The following TSGA10 variants were observed in gnomAD, a reference collection of about 807,000 sequenced individuals.
The protein encoded by TSGA10 is testis-specific gene 10 protein.
In TSGA10, 43 loss-of-function variants were observed where a neutral mutation model predicts 96.6. That is an observed-to-expected ratio of 0.44 (90% confidence interval 0.35 to 0.57). The LOEUF is 0.57. Ranked by LOEUF, TSGA10 falls within the 20% of genes least tolerant of loss-of-function variation. The probability of loss-of-function intolerance (pLI) is 0.01; values close to 1 mark genes in which losing one functional copy is unlikely to be tolerated. For missense variants in TSGA10, 703 were observed against 834.4 expected (o/e 0.84, Z 1.94); for synonymous variants, 229 against 269.9 (o/e 0.85, Z 1.48).
At chr2:99,131,408 T>C (rs2093077844) in intron 1 of TSGA10, among the ~76,000 whole-genome samples, 1 of 152,226 alleles carries the variant, frequency 6.6e-6, no homozygotes, top group Non-Finnish European at 1.5e-5. Context: ...AGGTCACTCA[T>C]GATTTGGCTG....
At chr2:99,137,028 G>T (rs937722428) in intron 1 of TSGA10, among the ~76,000 whole-genome samples, 3 of 133,956 alleles carry the variant, frequency 2.2e-5, no homozygotes, top group Non-Finnish European at 3.1e-5. Context: ...TGAGACAGTC[G>T]TGCTCTGTCA....
intron 2 of TSGA10, chr2:99,125,526 T>C (rs1053675706): frequency 1.3e-5 from 2 of 152,246 alleles, no homozygotes; most frequent in African/African-American, 4.8e-5. Context: ...TAACATCCGT[T>C]CCATTTCAGT....
rs1167854716 is a variant in TSGA10 at position 99,074,000 on chromosome 2, C to CTTTTTTTTTTTTTTTTTTTTTTTTTTTT, written c.883-955_883-928dup. The stretch of plus-strand genomic sequence containing the variant: ...AACCAATTCTGTTCCTGTTTCTTTT[C>CTTTTTTTTTTTTTTTTTTTTTTTTTTTT]TTTTTTTTTTTTTTTTTTTTTTTTT... On this transcript the variant is annotated intron_variant, in intron 12 of 20. Transcript: ENST00000393483. Among the ~76,000 whole-genome samples, 11 of 52,632 alleles carry CTTTTTTTTTTTTTTTTTTTTTTTTTTTT rather than the reference C, an allele frequency of 2.1e-4. 3 individuals carry two copies. The highest frequency in any genetic ancestry group is 3.7e-4 in the African/African-American group (5 of 13,352). 34.5% of individuals were successfully genotyped at this position (52,632 alleles called of 152,430 possible). A position where few individuals can be genotyped will look rare whatever the true frequency, so the allele number is the denominator to read the frequency against.
At chr2:99,066,295 G>A (rs2085254405) in intron 15 of TSGA10, among the ~76,000 whole-genome samples, 1 of 152,166 alleles carries the variant, frequency 6.6e-6, no homozygotes, top group Admixed American at 6.5e-5. Context: ...TACTCCAACT[G>A]TGTCAGCAGG....
At chr2:99,146,313 G>C (rs1441100632) in intron 1 of TSGA10, among the ~76,000 whole-genome samples, 1 of 152,042 alleles carries the variant, frequency 6.6e-6, no homozygotes, top group African/African-American at 2.4e-5. Flanking sequence ...TATATCCTTT[G>C]CCCATTTTTC....
At chr2:99,100,684 G>T (rs1559015874) in intron 10 of TSGA10, among the ~76,000 whole-genome samples, 1 of 151,900 alleles carries the variant, frequency 6.6e-6, no homozygotes, top group Non-Finnish European at 1.5e-5. Context: ...GCCAGGCGCG[G>T]TGGCGGGCGC....
Position 99,154,885 on chromosome 2 carries a change from G to C in TSGA10, c.-813C>G. 2.5e-6 allele frequency: 1 copy of C among 399,694 alleles called. No individual in the cohort carries two copies. The highest frequency in any genetic ancestry group is 2.8e-5 in the Admixed American group (1 of 35,888). The allele number at this position is 399,694 out of a possible 1,614,324, so 24.8% of individuals were successfully genotyped here. ...GACCCCACGGCTCCGCAGGCGGAGA[G>C]ACTAGGCGCGATCCCTGCGCGCCCC... On this transcript the variant is annotated 5_prime_UTR_variant, in exon 1 of 21. Transcript: ENST00000393483.
chr2:99,006,729 C>T (rs897196736), intron 20 of TSGA10, among the ~76,000 whole-genome samples: 1 of 152,182 alleles, frequency 6.6e-6, no homozygotes, highest in Non-Finnish European at 1.5e-5. Flanking sequence ...TTGTGGAAGT[C>T]AGTGTGGCGA....
At chr2:99,034,973 C>T (rs898665115) in intron 17 of TSGA10, among the ~76,000 whole-genome samples, 1 of 152,078 alleles carries the variant, frequency 6.6e-6, no homozygotes, top group Non-Finnish European at 1.5e-5. Context: ...CTTTGCTGAT[C>T]GCTATGTCAA....
Position 99,018,719 on chromosome 2 carries a change from G to A in TSGA10, c.1818-79C>T, listed in dbSNP as rs1027918752. ...ATTCTGGGGTACATGAAACCATATT[G>A]ATAGTGGTTTCTCAGCTGGATCCAA... On this transcript the variant is annotated intron_variant, in intron 18 of 20. Transcript: ENST00000393483. The A allele has an allele frequency of 4.1e-6, 5 of 1,221,462 alleles. No homozygotes were observed. In the African/African-American group the frequency reaches 4.6e-5, roughly 11 times the overall value. 75.7% of individuals were successfully genotyped at this position (1,221,462 alleles called of 1,614,324 possible). A position where few individuals can be genotyped will look rare whatever the true frequency, so the allele number is the denominator to read the frequency against.
intron 20 of TSGA10, among the ~76,000 whole-genome samples, chr2:99,002,918 G>C (rs1242249808): frequency 2.0e-5 from 3 of 151,498 alleles, no homozygotes; most frequent in African/African-American, 7.3e-5. Context: ...GGAGTGCAGT[G>C]GTGCGATCTT....
intron 16 of TSGA10, among the ~76,000 whole-genome samples, chr2:99,063,269 A>G (rs1182831264): frequency 2.0e-5 from 3 of 152,216 alleles, no homozygotes; most frequent in Non-Finnish European, 4.4e-5. Context: ...ATTTAGAAGA[A>G]CTTTTAAATG....
At position 99,007,786 on chromosome 2, in the gene TSGA10, T is replaced by G. The variant is rs977217838; in HGVS notation, c.2073-9565A>C. Among the ~76,000 whole-genome samples the G allele has an allele frequency of 2.0e-5, 3 of 152,244 alleles. No individual in the cohort carries two copies. In the East Asian group the frequency reaches 5.8e-4, roughly 29 times the overall value. On this transcript the variant is annotated intron_variant, in intron 20 of 20. Coordinates refer to ENST00000393483, the MANE Select transcript of TSGA10 (RefSeq NM_025244.4). ...CACAGAAATTGGCAAGTGCTACAGA[T>G]CAGGGCCTCCCCCTCCTCTCTTTGG...
intron 5 of TSGA10, among the ~76,000 whole-genome samples, chr2:99,110,587 A>G (rs905115462): frequency 1.3e-5 from 2 of 152,206 alleles, no homozygotes; most frequent in Non-Finnish European, 2.9e-5. Flanking sequence ...TTTTAAATCA[A>G]TTAACAGATA....
intron 16 of TSGA10, among the ~76,000 whole-genome samples, chr2:99,041,956 G>A (rs2082224333): frequency 1.3e-5 from 2 of 151,396 alleles, no homozygotes; most frequent in Non-Finnish European, 2.9e-5. Flanking sequence ...AATGTACAAG[G>A]AACTCAAACA....
intron 10 of TSGA10, among the ~76,000 whole-genome samples, chr2:99,093,708 T>G (rs1574272972): frequency 6.7e-6 from 1 of 150,208 alleles, no homozygotes; most frequent in African/African-American, 2.4e-5. Context: ...AGGTGAAAGA[T>G]CTCTACAAGG....
rs149325770 is a variant in TSGA10, at chr2:98,998,217, G to C, written c.2077C>G (p.Leu693Val). 2 of 1,597,610 alleles carry C rather than the reference G, an allele frequency of 1.3e-6. No individual in the cohort carries two copies. The highest frequency in any genetic ancestry group is 2.3e-5 in the South Asian group (2 of 86,374). The change falls in exon 21 of 21, where the codon CTT becomes GTT. Residue 693 changes from leucine (L) to valine (V), a missense_variant. By Grantham distance (32) the Leu-to-Val change is conservative. This residue lies in a region of TSGA10 where 69 missense variants were observed against 81.3 expected (regional missense o/e 0.85). Transcript: ENST00000393483. ...AGGTGTCAGAAATCTCTGTAGCAAA[G>C]ATTCCTATAAGAGAAAAAATCATGC... The part of the protein sequence containing the change: ...RGLDRSLEEN[L>V]CYRDF
At chr2:99,075,702 T>C (rs1231473425) in intron 12 of TSGA10, among the ~76,000 whole-genome samples, 1 of 152,202 alleles carries the variant, frequency 6.6e-6, no homozygotes, top group African/African-American at 2.4e-5. Context: ...TCATAAAATC[T>C]TATACAAAGT....
intron 2 of TSGA10, 91 bp from the exon 3 acceptor site, chr2:99,118,777 C>G (rs1313178118): frequency 1.9e-6 from 1 of 537,900 alleles, no homozygotes; most frequent in African/African-American, 2.1e-5. Context: ...GGTTAGATAC[C>G]TGCCCTCAGG....
Sources: gnomAD v4.1 joint callset for allele counts (sites outside exome capture counted in the v4.1 genomes callset) on GRCh38, gnomAD v4.1.1 for gene constraint, gnomAD v4.1.1 regional missense constraint, MANE v1.5 for transcripts, NCBI Gene and HGNC (gene_info 2026-07-23, HGNC 2026-07-21) for gene names.